Variants in MAGI2 observed in about 807,000 individuals in gnomAD.
MAGI2 encodes membrane-associated guanylate kinase, WW and PDZ domain-containing protein 2.
MAGI2 carries 35 observed loss-of-function variants against 133.3 expected under a neutral mutation model. The observed-to-expected ratio is 0.26, with a 90% CI of 0.20 to 0.35. MAGI2 has a LOEUF of 0.35. MAGI2 is among the 10% of genes least tolerant of loss of function. The probability of loss-of-function intolerance (pLI) is 1.00; values close to 1 mark genes in which losing one functional copy is unlikely to be tolerated. For missense variants in MAGI2, 1,636 were observed against 1,863.4 expected, an observed-to-expected ratio of 0.88 and a Z score of 2.25; for synonymous variants, 729 against 710.6, an observed-to-expected ratio of 1.03 and a Z score of -0.41.
At chr7:79,442,670 A>G (rs777536792) in intron 1 of MAGI2, among the ~76,000 whole-genome samples, 9 of 152,192 alleles carry the variant, frequency 5.9e-5, no homozygotes, top group African/African-American at 9.7e-5. Flanking sequence ...AGTAGGTAAT[A>G]GGATCTTTGA....
chr7:78,370,452 T>G (rs1793804844), intron 6 of MAGI2, among the ~76,000 whole-genome samples: 2 of 151,972 alleles, frequency 1.3e-5, no homozygotes, highest in African/African-American at 4.8e-5. Context: ...AGTTTTTACC[T>G]GTCATGTGTC....
At chr7:79,189,312 CAAAAAAAAAA>C (rs34814587) in intron 1 of MAGI2, among the ~76,000 whole-genome samples, 1 of 74,312 alleles carries the variant, frequency 1.3e-5, no homozygotes, top group Non-Finnish European at 3.0e-5. Context: ...TTTTTATAGG[CAAAAAAAAAA>C]AAAAAAAAAA....
At chr7:79,449,897 T>TATATGTATATATATATATATAA (rs1491494586) in intron 1 of MAGI2, among the ~76,000 whole-genome samples, 1 of 132,326 alleles carries the variant, frequency 7.6e-6, no homozygotes, top group Non-Finnish European at 1.6e-5. Context: ...TATATATATA[T>TATATGTATATATATATATATAA]AATGTCTTAA....
chr7:79,442,857 G>A (rs1783351153), intron 1 of MAGI2, among the ~76,000 whole-genome samples: 1 of 152,002 alleles, frequency 6.6e-6, no homozygotes, highest in Admixed American at 6.6e-5. Context: ...GAACATTTTA[G>A]TGACCCTCCA....
chr7:78,753,090 AC>A (rs1823605567), intron 2 of MAGI2, among the ~76,000 whole-genome samples: 1 of 152,234 alleles, frequency 6.6e-6, no homozygotes, highest in Non-Finnish European at 1.5e-5. Context: ...ACAGAATGAG[AC>A]ATATGAAGAA....
chr7:78,487,174 G>GAA (rs35515187), intron 6 of MAGI2: 110 of 173,984 alleles, frequency 6.3e-4, no homozygotes, highest in Non-Finnish European at 8.8e-4. Flanking sequence ...GCAGGATGGG[G>GAA]AAAAAAAAAA....
intron 1 of MAGI2, among the ~76,000 whole-genome samples, chr7:79,388,055 A>T (rs1282725585): frequency 2.0e-5 from 3 of 152,016 alleles, no homozygotes; most frequent in Non-Finnish European, 4.4e-5. Flanking sequence ...ATATACATAG[A>T]AAACCTGCAA....
chr7:78,682,594 T>C (rs908110005), intron 2 of MAGI2, among the ~76,000 whole-genome samples: 9 of 152,310 alleles, frequency 5.9e-5, no homozygotes, highest in African/African-American at 1.9e-4. Flanking sequence ...GGTGTATATG[T>C]GCCACAGTTT....
At chr7:78,776,598 T>A (rs1051592724) in intron 2 of MAGI2, among the ~76,000 whole-genome samples, 1 of 152,258 alleles carries the variant, frequency 6.6e-6, no homozygotes, top group Non-Finnish European at 1.5e-5. Flanking sequence ...CATGGAACAT[T>A]TCTGCACATT....
chr7:78,044,120 G>A lies in MAGI2; in HGVS notation c.3707-24144C>T, dbSNP rs115385209. Among the ~76,000 whole-genome samples, 700 of 152,224 alleles carry A rather than the reference G, an allele frequency of 4.6e-3. 8 individuals carry two copies. The highest frequency in any genetic ancestry group is 0.016 in the African/African-American group (676 of 41,532). On this transcript the variant is annotated intron_variant, in intron 21 of 21. Coordinates refer to ENST00000354212, the MANE Select transcript of MAGI2 (RefSeq NM_012301.4). ...ACATCATTATTCTATTATTTTATGAGAAATGTTCATTAAAATAATGTGACT... is the reference window on the plus strand; with the variant it reads ...ACATCATTATTCTATTATTTTATGAAAAATGTTCATTAAAATAATGTGACT...
At chr7:79,245,558 A>G (rs1049028454) in intron 1 of MAGI2, among the ~76,000 whole-genome samples, 2 of 152,138 alleles carry the variant, frequency 1.3e-5, no homozygotes, top group East Asian at 3.9e-4. Context: ...GTGGAAAGGG[A>G]TGGTAATAAT....
chr7:78,277,665 G>A (rs949968283), intron 9 of MAGI2, among the ~76,000 whole-genome samples: 3 of 152,166 alleles, frequency 2.0e-5, no homozygotes, highest in Admixed American at 6.5e-5. Flanking sequence ...GTCTGAAGAA[G>A]GGCTGATTAC....
intron 2 of MAGI2, among the ~76,000 whole-genome samples, chr7:78,793,329 A>G (rs1462693210): frequency 6.6e-6 from 1 of 152,238 alleles, no homozygotes; most frequent in Non-Finnish European, 1.5e-5. Flanking sequence ...GGCAATATCT[A>G]GAAACATTTT....
chr7:79,208,393 TCTC>T (rs1829240554), intron 1 of MAGI2, among the ~76,000 whole-genome samples: 1 of 149,854 alleles, frequency 6.7e-6, no homozygotes, highest in South Asian at 2.2e-4. Flanking sequence ...TGAATGGACG[TCTC>T]CTCAAGAGAA....
At chr7:78,294,187 A>G (rs1372962965) in intron 9 of MAGI2, among the ~76,000 whole-genome samples, 1 of 152,104 alleles carries the variant, frequency 6.6e-6, no homozygotes, top group East Asian at 1.9e-4. Context: ...GTTTTTCCCA[A>G]TTAGACTGTG....
chr7:79,047,347 A>G lies in MAGI2; in HGVS notation c.302-40141T>C, dbSNP rs1307923498. ...CTTTATTAAATTAGAAAAATCAAAG[A>G]AGATATATAAAATGATAAATGAAAT... On this transcript the variant is annotated intron_variant, in intron 1 of 21. Coordinates refer to ENST00000354212, the MANE Select transcript of MAGI2 (RefSeq NM_012301.4). Among the ~76,000 whole-genome samples, 3 of 151,996 alleles carry G rather than the reference A, an allele frequency of 2.0e-5. No individual in the cohort carries two copies. The East Asian group carries it at 5.8e-4, about 29-fold the overall frequency.
At position 78,536,103 on chromosome 7, in the gene MAGI2, C is replaced by CTTTTTTTTTTTTTTTTT. The variant is rs544655465; in HGVS notation, c.539-14475_539-14459dup. On this transcript the variant is annotated intron_variant, in intron 3 of 21. Transcript: ENST00000354212. The stretch of plus-strand genomic sequence containing the variant: ...TACAGCTGGCTCTGTATGAATTAAA[C>CTTTTTTTTTTTTTTTTT]TTTTTTTTTTTTTTTTTTTTTTTTT... Among the ~76,000 whole-genome samples the CTTTTTTTTTTTTTTTTT allele has an allele frequency of 3.3e-5, 2 of 59,938 alleles. 1 individual carries two copies. The highest frequency in any genetic ancestry group is 5.7e-5 in the Non-Finnish European group (2 of 35,290). The allele number at this position is 59,938 out of a possible 152,430, so 39.3% of individuals were successfully genotyped here.
intron 2 of MAGI2, among the ~76,000 whole-genome samples, chr7:78,723,230 A>G (rs1011894790): frequency 1.6e-4 from 25 of 152,338 alleles, no homozygotes; most frequent in African/African-American, 5.5e-4. Flanking sequence ...TGGTCAATAT[A>G]TATGTTTATA....
intron 2 of MAGI2, among the ~76,000 whole-genome samples, chr7:78,743,573 C>G (rs1219514406): frequency 1.3e-5 from 2 of 152,184 alleles, no homozygotes; most frequent in African/African-American, 4.8e-5. Context: ...TTCTACTGGA[C>G]TGTAACCTCC....
Sources: gnomAD v4.1 joint callset for allele counts (sites outside exome capture counted in the v4.1 genomes callset) on GRCh38, gnomAD v4.1.1 for gene constraint, MANE v1.5 for transcripts, NCBI Gene and HGNC (gene_info 2026-07-23, HGNC 2026-07-21) for gene names.